GPRIN2: variants seen among roughly 807,000 people sequenced by gnomAD.
GPRIN2 encodes G protein regulated inducer of neurite outgrowth 2.
In GPRIN2, 1 loss-of-function variant was observed where a neutral mutation model predicts 0.3. The observed-to-expected ratio is 3.90, with a 90% confidence interval of 1.39 to 18.51. The LOEUF (loss-of-function observed/expected upper bound fraction) is 18.51, where lower values mean the gene tolerates loss of function less well. Among genes scored for constraint, GPRIN2 ranks in the 30% most tolerant of loss-of-function variants. GPRIN2 has a pLI of 0.11. For missense variants in GPRIN2, 880 were observed against 604.2 expected (o/e 1.46, Z -4.79); for synonymous variants, 361 against 258.6 (o/e 1.40, Z -3.80).
rs987541995 is a variant in GPRIN2 at position 46,542,408 on chromosome 10, G to C, written c.*6952C>G. The stretch of plus-strand genomic sequence containing the variant: ...GTGGAGGTGATGGAATCGTGGGGGC[G>C]GTTCCCCCATGCTGTTCTTGTGATA... On this transcript the variant is annotated 3_prime_UTR_variant, in exon 3 of 3. Transcript: ENST00000374314. 1.3e-5 allele frequency among the ~76,000 whole-genome samples: 2 copies of C among 152,300 alleles called. No homozygotes were observed. Among genetic ancestry groups the C allele is most frequent in the African/African-American group, 4.8e-5 (2 of 41,480 alleles).
In GPRIN2 at chr10:46,549,354, A is replaced by G; in HGVS notation, c.*6T>C. The G allele has an allele frequency of 6.8e-7, 1 of 1,468,262 alleles. No homozygotes were observed. The allele number at this position is 1,468,262 out of a possible 1,614,324, so 91.0% of individuals were successfully genotyped here. ...GGCCCAGGCCAGCTCCAAGGGCCAC[A>G]GCTCCTCACTCGGGGGCCGCGCCGG... On this transcript the variant is annotated 3_prime_UTR_variant, in exon 3 of 3. Coordinates refer to ENST00000374314, the MANE Select transcript of GPRIN2 (RefSeq NM_001385282.1).
rs1314152145 is a variant in GPRIN2, at chr10:46,547,060, C to T, written c.*2300G>A. Among the ~76,000 whole-genome samples the T allele has an allele frequency of 6.6e-6, 1 of 152,304 alleles. No homozygotes were observed. Among genetic ancestry groups the T allele is most frequent in the African/African-American group, 2.4e-5 (1 of 41,486 alleles). ...ATGAAGTAGGTTTCACTGGTCCCAG[C>T]CAAACCCTGTGGCAGGTGGCCCTTT... On this transcript the variant is annotated 3_prime_UTR_variant, in exon 3 of 3. Transcript: ENST00000374314.
At chr10:46,551,735 C>T (rs6587513) in intron 2 of GPRIN2, among the ~76,000 whole-genome samples, 1 of 152,234 alleles carries the variant, frequency 6.6e-6, no homozygotes, top group Non-Finnish European at 1.5e-5. Flanking sequence ...TAAAGACCAC[C>T]CTGGACCTGG....
chr10:46,556,794 C>T (rs1484078949), upstream of GPRIN2, among the ~76,000 whole-genome samples: 1 of 152,272 alleles, frequency 6.6e-6, no homozygotes, highest in South Asian at 2.1e-4. Flanking sequence ...CCGCGCGCCC[C>T]CACCCCTCCT....
At chr10:46,557,239 G>A (rs1843349403), upstream of GPRIN2, among the ~76,000 whole-genome samples, 2 of 152,302 alleles carry the variant, frequency 1.3e-5, no homozygotes, top group African/African-American at 4.8e-5. Flanking sequence ...TCCAGCCCCA[G>A]GTCCCAAATC....
rs1413922722 is a variant in GPRIN2 at position 46,542,651 on chromosome 10, C to A, written c.*6709G>T. Among the ~76,000 whole-genome samples the A allele has an allele frequency of 2.6e-5, 4 of 152,308 alleles. No homozygotes were observed. The highest frequency in any genetic ancestry group is 5.9e-5 in the Non-Finnish European group (4 of 68,056). ...CTCTTTCCTTTATAAATTACCCAGT[C>A]TCAGGCAGTTCTTTATAGCAGCATG... On this transcript the variant is annotated 3_prime_UTR_variant, in exon 3 of 3. Coordinates refer to ENST00000374314, the MANE Select transcript of GPRIN2 (RefSeq NM_001385282.1).
intron 2 of GPRIN2, chr10:46,551,374 C>T: frequency 2.0e-6 from 2 of 984,912 alleles, no homozygotes; most frequent in South Asian, 4.7e-5. Flanking sequence ...CTTGGCCTAG[C>T]CTTGCTGAGC....
Position 46,544,811 on chromosome 10 carries a change from G to C in GPRIN2, c.*4549C>G, listed in dbSNP as rs1040005394. Among the ~76,000 whole-genome samples, 9 of 152,296 alleles carry C rather than the reference G, an allele frequency of 5.9e-5. No homozygotes were observed. Among genetic ancestry groups the C allele is most frequent in the African/African-American group, 1.9e-4 (8 of 41,472 alleles). ...AAAAAGGGGTGTGTGCTGTTGGTGT[G>C]AGAGATCTGGATCTTAACAGATCAG... On this transcript the variant is annotated 3_prime_UTR_variant, in exon 3 of 3. Coordinates refer to ENST00000374314, the MANE Select transcript of GPRIN2 (RefSeq NM_001385282.1).
In GPRIN2 at chr10:46,542,159, GC is replaced by G. The variant is rs1435356516; in HGVS notation, c.*7200del. Among the ~76,000 whole-genome samples, 1 of 152,312 alleles carries G rather than the reference GC, an allele frequency of 6.6e-6. No homozygotes were observed. Among genetic ancestry groups the G allele is most frequent in the African/African-American group, 2.4e-5 (1 of 41,488 alleles). On this transcript the variant is annotated 3_prime_UTR_variant, in exon 3 of 3. Transcript: ENST00000374314. ...AAAATGAGAAGTGAACAGAGAGAAGGCCAGGCAGAAGGCTGCAGGGCAGGGG... is the reference window on the plus strand; with the variant it reads ...AAAATGAGAAGTGAACAGAGAGAAGGCAGGCAGAAGGCTGCAGGGCAGGGG...
chr10:46,554,023 C>T (rs1169987365), intron 2 of GPRIN2, among the ~76,000 whole-genome samples: 1 of 152,300 alleles, frequency 6.6e-6, no homozygotes, highest in African/African-American at 2.4e-5. Context: ...TGCATGTACT[C>T]ACAGGTGGAC....
intron 2 of GPRIN2, among the ~76,000 whole-genome samples, chr10:46,551,756 C>G (rs958514523): frequency 2.0e-5 from 3 of 152,308 alleles, no homozygotes; most frequent in African/African-American, 4.8e-5. Context: ...CAGCTGCAGC[C>G]TAGAGCCAGT....
In GPRIN2 at chr10:46,549,850, AG is replaced by A; in HGVS notation, c.886del (p.Leu296PhefsTer7). The A allele has an allele frequency of 6.2e-7, 1 of 1,614,268 alleles. No homozygotes were observed. Among genetic ancestry groups the A allele is most frequent in the Non-Finnish European group, 8.5e-7 (1 of 1,180,060 alleles). On this transcript the variant is annotated frameshift_variant, in exon 3 of 3. Transcript: ENST00000374314. LOFTEE classifies it low-confidence loss of function (END_TRUNC). ...LPGHSHCCAH[L>X]WGPAGLVPEP... ...TGGGACTAACCCAGCGGGACCCCAA[AG>A]GTGGGCACAGCAATGGGAATGCCCA... is the stretch of plus-strand genomic sequence containing the variant.
Position 46,545,845 on chromosome 10 carries a change from G to T in GPRIN2, c.*3515C>A, listed in dbSNP as rs1832925777. On this transcript the variant is annotated 3_prime_UTR_variant, in exon 3 of 3. Transcript: ENST00000374314. The stretch of plus-strand genomic sequence containing the variant: ...CCAAGCATGTGAAGGAGGCACCATT[G>T]TCATCCCCATCTTACAGATGAGGAA... Among the ~76,000 whole-genome samples the T allele has an allele frequency of 1.4e-3, 216 of 152,238 alleles. No homozygotes were observed. Among genetic ancestry groups the T allele is most frequent in the Non-Finnish European group, 2.5e-3 (173 of 67,892 alleles).
At chr10:46,554,064 A>G (rs1832016985) in intron 2 of GPRIN2, among the ~76,000 whole-genome samples, 1,215 of 151,268 alleles carry the variant, frequency 8.0e-3, no homozygotes, top group African/African-American at 0.028. Context: ...AGTTTCTTCA[A>G]TCTGCAAAAC....
In GPRIN2 at chr10:46,544,914, G is replaced by T. The variant is rs1330421762; in HGVS notation, c.*4446C>A. ...TCTCACAGACCTATGGGATGTCCCAGTGATATGTCCTGGGCTTCATACCAG... is the reference window on the plus strand; with the variant it reads ...TCTCACAGACCTATGGGATGTCCCATTGATATGTCCTGGGCTTCATACCAG... On this transcript the variant is annotated 3_prime_UTR_variant, in exon 3 of 3. Coordinates refer to ENST00000374314, the MANE Select transcript of GPRIN2 (RefSeq NM_001385282.1). Among the ~76,000 whole-genome samples, 2 of 152,312 alleles carry T rather than the reference G, an allele frequency of 1.3e-5. No homozygotes were observed. The highest frequency in any genetic ancestry group is 2.9e-5 in the Non-Finnish European group (2 of 68,058).
Position 46,546,546 on chromosome 10 carries a change from A to G in GPRIN2, c.*2814T>C, listed in dbSNP as rs1426041708. 1.3e-5 allele frequency among the ~76,000 whole-genome samples: 2 copies of G among 152,310 alleles called. No homozygotes were observed. The highest frequency in any genetic ancestry group is 2.1e-4 in the South Asian group (1 of 4,838). ...ACAAACACATCAACAGTGAACTCCA[A>G]CACCTCCCAGAGCAGGGCCTGAAAG... On this transcript the variant is annotated 3_prime_UTR_variant, in exon 3 of 3. Transcript: ENST00000374314.
At chr10:46,552,429 G>A (rs975509170) in intron 2 of GPRIN2, among the ~76,000 whole-genome samples, 1 of 152,308 alleles carries the variant, frequency 6.6e-6, no homozygotes, top group Non-Finnish European at 1.5e-5. Flanking sequence ...AAGACTTCCA[G>A]GCAACAACCT....
rs551297711 is a variant in GPRIN2, at chr10:46,551,522, G to C, written c.-6-780C>G. ...ACAGCATCTCCTGAGCCCCTACTGC[G>C]TGCCCAGCTGTAGGGCTAGGGAACA... On this transcript the variant is annotated intron_variant, in intron 2 of 2. Transcript: ENST00000374314. The C allele has an allele frequency of 2.1e-5, 21 of 983,282 alleles. No homozygotes were observed. In the African/African-American group the frequency reaches 3.7e-4, roughly 17 times the overall value. The allele number at this position is 983,282 out of a possible 1,614,324, so 60.9% of individuals were successfully genotyped here.
upstream of GPRIN2, among the ~76,000 whole-genome samples, chr10:46,557,467 C>T (rs1588983185): frequency 6.6e-6 from 1 of 152,310 alleles, no homozygotes. Flanking sequence ...CGTGCCCCTA[C>T]CCAGCCCGAC....
Sources: allele counts gnomAD v4.1 joint callset (sites outside exome capture counted in the v4.1 genomes callset), GRCh38; gene constraint gnomAD v4.1.1; transcripts MANE v1.5; gene names NCBI Gene and HGNC (gene_info 2026-07-23, HGNC 2026-07-21).